Variants in MTAP observed in about 807,000 individuals in gnomAD.
MTAP encodes the protein S-methyl-5'-thioadenosine phosphorylase.
In MTAP, 33 loss-of-function variants were observed where a neutral mutation model predicts 33.6. The ratio of observed to expected loss-of-function variants is 0.98; its 90% CI spans 0.74 to 1.31. The LOEUF (loss-of-function observed/expected upper bound fraction) is 1.31. Ranked by LOEUF, MTAP falls within the 40% of genes most tolerant of loss-of-function variation. The pLI is 0.00. For synonymous variants in MTAP, 148 were observed against 125.7 expected, an observed-to-expected ratio of 1.18 and a Z score of -1.19; for missense variants, 367 against 360.0, an observed-to-expected ratio of 1.02 and a Z score of -0.16.
At chr9:21,870,924 C>G (rs1286078077), downstream of MTAP, among the ~76,000 whole-genome samples, 2 of 151,708 alleles carry the variant, frequency 1.3e-5, no homozygotes, top group Non-Finnish European at 2.9e-5. Context: ...GTGCCTGCCA[C>G]CATGCCCAGC....
chr9:21,839,734 T>C (rs939868055), intron 5 of MTAP, among the ~76,000 whole-genome samples: 2 of 152,238 alleles, frequency 1.3e-5, no homozygotes, highest in Non-Finnish European at 2.9e-5. Flanking sequence ...TGATCTTTCA[T>C]GTACTGATGG....
At chr9:21,919,852 GA>G (rs1418814976) in intron 1 of MTAP, among the ~76,000 whole-genome samples, 2 of 151,148 alleles carry the variant, frequency 1.3e-5, no homozygotes, top group South Asian at 2.1e-4. Context: ...TTCCTGTTTA[GA>G]AAAAAAAAGT....
chr9:21,869,517 C>T (rs1336869274), downstream of MTAP, among the ~76,000 whole-genome samples: 1 of 152,074 alleles, frequency 6.6e-6, no homozygotes, highest in Non-Finnish European at 1.5e-5. Flanking sequence ...ATGTTGCCTG[C>T]CCTAGAGCTC....
chr9:21,858,420 C>T (rs892458234), intron 6 of MTAP, among the ~76,000 whole-genome samples: 6 of 152,102 alleles, frequency 3.9e-5, no homozygotes, highest in African/African-American at 9.7e-5. Flanking sequence ...CTGTACGGGA[C>T]GTGATGCTGG....
intron 6 of MTAP, 82 bp downstream of exon 6, chr9:21,854,952 G>A (rs920179681): frequency 1.4e-5 from 21 of 1,518,194 alleles, no homozygotes; most frequent in African/African-American, 4.2e-5. Context: ...TTTCTATTAC[G>A]TTAGTTTCAG....
In MTAP at chr9:21,823,364, T is replaced by A. The variant is rs902835262; in HGVS notation, c.347+5162T>A. ...CTGTAAAGGATTTTATTTCTCCTTC[T>A]CTTATGAAGCTTAGTTTGGCTGGAT... is the stretch of plus-strand genomic sequence containing the variant. On this transcript the variant is annotated intron_variant, in intron 4 of 7. Coordinates refer to ENST00000644715, the MANE Select transcript of MTAP (RefSeq NM_002451.4). 4.4e-4 allele frequency among the ~76,000 whole-genome samples: 67 copies of A among 152,318 alleles called. 1 individual carries two copies. The highest frequency in any genetic ancestry group is 1.5e-3 in the African/African-American group (62 of 41,574).
intron 1 of MTAP, among the ~76,000 whole-genome samples, chr9:21,882,332 T>C (rs1374120074): frequency 5.3e-5 from 8 of 151,990 alleles, no homozygotes; most frequent in African/African-American, 1.4e-4. Context: ...ATTGTTAGGA[T>C]TAGGTGAGTT....
Position 21,854,850 on chromosome 9 carries a change from T to C in MTAP, c.670T>C (p.Trp224Arg). 4 of 1,614,132 alleles carry C rather than the reference T, an allele frequency of 2.5e-6. No individual in the cohort carries two copies. The highest frequency in any genetic ancestry group is 1.3e-5 in the African/African-American group (1 of 75,048). The change falls in exon 6 of 8, where the codon TGG becomes CGG. Residue 224 changes from tryptophan (W) to arginine (R), a missense_variant. Physicochemically the swap from Trp to Arg is moderately radical, Grantham distance 101. Coordinates refer to ENST00000644715, the MANE Select transcript of MTAP (RefSeq NM_002451.4). ...CGCCATGGCGACAGATTATGACTGC[T>C]GGAAGGAGCACGAGGAAGCAGTAGG... is the stretch of plus-strand genomic sequence containing the variant. Reference protein sequence around the residue: ...SIAMATDYDCWKEHEEAVSVD... With the variant: ...SIAMATDYDCRKEHEEAVSVD...
At chr9:21,878,499 A>C (rs930862391) in intron 1 of MTAP, among the ~76,000 whole-genome samples, 9 of 151,918 alleles carry the variant, frequency 5.9e-5, no homozygotes, top group African/African-American at 1.9e-4. Context: ...CTATTTATTT[A>C]TTTAGAGACC....
At position 21,864,348 on chromosome 9, in the gene MTAP, T is replaced by C. The variant is rs904494541; in HGVS notation, c.*2334T>C. On this transcript the variant is annotated 3_prime_UTR_variant, in exon 8 of 8. Transcript: ENST00000644715. Reference sequence around the variant, plus strand: ...ACACTTCTCACTTGTGATGCTGTACTAATTTTTTTTTTTTAATTTAAGCTA... The same window carrying C: ...ACACTTCTCACTTGTGATGCTGTACCAATTTTTTTTTTTTAATTTAAGCTA... The C allele has an allele frequency of 1.4e-5, 14 of 977,950 alleles. No homozygotes were observed. Among genetic ancestry groups the C allele is most frequent in the African/African-American group, 1.8e-5 (1 of 55,826 alleles). The allele number at this position is 977,950 out of a possible 1,614,324, so 60.6% of individuals were successfully genotyped here.
At chr9:21,842,770 GA>G (rs1825283446) in intron 5 of MTAP, among the ~76,000 whole-genome samples, 1 of 152,134 alleles carries the variant, frequency 6.6e-6, no homozygotes, top group South Asian at 2.1e-4. Flanking sequence ...TCTAAATCTT[GA>G]AACAAAACCT....
rs371449658 is a variant in MTAP at position 21,918,293 on chromosome 9, T to C, written c.148-12715T>C. 6.2e-3 allele frequency among the ~76,000 whole-genome samples: 660 copies of C among 107,112 alleles called. 9 individuals are homozygous for C. The highest frequency in any genetic ancestry group is 0.025 in the East Asian group (100 of 4,038). The allele number at this position is 107,112 out of a possible 152,430, so 70.3% of individuals were successfully genotyped here. On this transcript the variant is annotated intron_variant, in intron 1 of 1. Coordinates refer to the MTAP transcript ENST00000577563. ...TGAACCCGGGAGGCGGAGCTTGCAG[T>C]GAGCAGAGATCCCGCCACTGCACTC...
At chr9:21,826,864 A>G (rs1018289791) in intron 4 of MTAP, among the ~76,000 whole-genome samples, 1 of 151,920 alleles carries the variant, frequency 6.6e-6, no homozygotes, top group African/African-American at 2.4e-5. Context: ...GAGCATTACC[A>G]CCTGAGCTCC....
rs1818892671 is a variant in MTAP, at chr9:21,927,754, C to T, written c.148-3254C>T. On this transcript the variant is annotated intron_variant, in intron 1 of 1. Coordinates refer to the MTAP transcript ENST00000577563. Reference sequence around the variant, plus strand: ...GCTGACCCATCACATTGACCAGGGCCCTAAAACTTGGGGAAAGAAAAAGAA... The same window carrying T: ...GCTGACCCATCACATTGACCAGGGCTCTAAAACTTGGGGAAAGAAAAAGAA... Among the ~76,000 whole-genome samples, 5 of 152,232 alleles carry T rather than the reference C, an allele frequency of 3.3e-5. No individual in the cohort carries two copies. The South Asian group carries it at 1.0e-3, about 32-fold the overall frequency.
chr9:21,904,639 T>C (rs1194370584), intron 1 of MTAP, among the ~76,000 whole-genome samples: 1 of 152,174 alleles, frequency 6.6e-6, no homozygotes, highest in African/African-American at 2.4e-5. Flanking sequence ...TATCAGCCAG[T>C]ATGAAACAGA....
At chr9:21,936,106 A>G (rs1587309552), downstream of MTAP, 1 of 152,226 alleles carries the variant, frequency 6.6e-6, no homozygotes, top group South Asian at 2.1e-4. Flanking sequence ...TCTAAAGATC[A>G]ATGTATAGGA....
intron 2 of MTAP, among the ~76,000 whole-genome samples, chr9:21,816,398 T>C (rs1824475384): frequency 6.6e-6 from 1 of 152,180 alleles, no homozygotes; most frequent in Non-Finnish European, 1.5e-5. Context: ...TTCTCAAACC[T>C]GCCCAATAAC....
At chr9:21,902,510 A>G (rs764912718) in intron 1 of MTAP, among the ~76,000 whole-genome samples, 1 of 152,256 alleles carries the variant, frequency 6.6e-6, no homozygotes, top group Non-Finnish European at 1.5e-5. Flanking sequence ...GACAAATGTG[A>G]CAATAACCAT....
intron 1 of MTAP, among the ~76,000 whole-genome samples, chr9:21,805,703 T>A (rs1412709161): frequency 6.6e-6 from 1 of 152,170 alleles, no homozygotes; most frequent in Non-Finnish European, 1.5e-5. Flanking sequence ...TTCCCTCTAC[T>A]AAGTGAGAGG....
Sources: allele counts gnomAD v4.1 joint callset (sites outside exome capture counted in the v4.1 genomes callset), GRCh38; gene constraint gnomAD v4.1.1; transcripts MANE v1.5; gene names NCBI Gene and HGNC (gene_info 2026-07-23, HGNC 2026-07-21).